The following BMERB1 variants were observed in gnomAD, a reference collection of about 807,000 sequenced individuals.
BMERB1 encodes the protein bMERB domain containing 1.
Under a neutral mutation model 23.6 loss-of-function variants are expected in BMERB1, and 12 were observed. That is an observed-to-expected ratio of 0.51 (90% CI 0.33 to 0.82). The LOEUF (loss-of-function observed/expected upper bound fraction) is 0.82. Among genes scored for constraint, BMERB1 ranks in the 40% least tolerant of loss-of-function variants. The pLI is 0.03. For synonymous variants in BMERB1, 122 were observed against 96.6 expected, an observed-to-expected ratio of 1.26 and a Z score of -1.54; for missense variants, 247 against 255.4, an observed-to-expected ratio of 0.97 and a Z score of 0.22.
chr16:15,455,126 G>A (rs1247131212), intron 1 of BMERB1, among the ~76,000 whole-genome samples: 2 of 151,992 alleles, frequency 1.3e-5, no homozygotes, highest in Non-Finnish European at 2.9e-5. Flanking sequence ...GAGGTCAGGA[G>A]TTCAGCCTGG....
intron 2 of BMERB1, among the ~76,000 whole-genome samples, chr16:15,534,304 A>AAAG (rs1567488682): frequency 1.9e-5 from 1 of 53,112 alleles, no homozygotes; most frequent in Non-Finnish European, 3.3e-5. Context: ...AAAAAAAAAA[A>AAAG]AAAAAAAAAA....
chr16:15,547,326 T>G (rs1011251566), intron 2 of BMERB1, among the ~76,000 whole-genome samples: 1 of 150,068 alleles, frequency 6.7e-6, no homozygotes, highest in African/African-American at 2.5e-5. Flanking sequence ...CTCCTTCAGC[T>G]TTGTTTTTTT....
At chr16:15,485,080 C>G (rs72774892) in intron 1 of BMERB1, among the ~76,000 whole-genome samples, 5 of 152,222 alleles carry the variant, frequency 3.3e-5, no homozygotes, top group Middle Eastern at 3.4e-3. Context: ...AGAGAGAGAT[C>G]GTTTCATTAG....
intron 1 of BMERB1, among the ~76,000 whole-genome samples, chr16:15,513,650 C>T (rs2051704161): frequency 1.3e-5 from 2 of 152,036 alleles, no homozygotes; most frequent in Admixed American, 6.6e-5. Flanking sequence ...AATCCTAGCA[C>T]TTTGGGAGGC....
At chr16:15,485,701 T>C (rs2051362492) in intron 1 of BMERB1, among the ~76,000 whole-genome samples, 1 of 151,786 alleles carries the variant, frequency 6.6e-6, no homozygotes, top group Non-Finnish European at 1.5e-5. Flanking sequence ...TGTGGGTTTT[T>C]TCCCCCCCAG....
chr16:15,493,090 T>C (rs947245251), intron 1 of BMERB1, among the ~76,000 whole-genome samples: 9 of 151,760 alleles, frequency 5.9e-5, no homozygotes, highest in South Asian at 4.2e-4. Context: ...GCTGGGCTCA[T>C]GCCTGTAATC....
intron 3 of BMERB1, among the ~76,000 whole-genome samples, chr16:15,570,847 A>T (rs1345170121): frequency 6.6e-6 from 1 of 151,956 alleles, no homozygotes; most frequent in African/African-American, 2.4e-5. Flanking sequence ...TAGACCATGT[A>T]GGGTAACTTC....
chr16:15,444,123 G>GTTTTTTTTTTTTGTTTTTTTT (rs2050966760), intron 1 of BMERB1, among the ~76,000 whole-genome samples: 1 of 35,608 alleles, frequency 2.8e-5, no homozygotes, highest in African/African-American at 1.3e-4. Flanking sequence ...CACCAGCTTT[G>GTTTTTTTTTTTTGTTTTTTTT]TTTTTTTTTT....
intron 1 of BMERB1, among the ~76,000 whole-genome samples, chr16:15,474,817 T>G (rs961810127): frequency 6.6e-6 from 1 of 152,126 alleles, no homozygotes; most frequent in African/African-American, 2.4e-5. Context: ...GCCTCCCTAG[T>G]AGCTGGGATA....
intron 1 of BMERB1, among the ~76,000 whole-genome samples, chr16:15,482,196 G>C (rs2051327951): frequency 6.6e-6 from 1 of 152,128 alleles, no homozygotes; most frequent in African/African-American, 2.4e-5. Flanking sequence ...AACCAGCCTT[G>C]AGAGAAGAGG....
intron 4 of BMERB1, 124 bp from the exon 5 acceptor site, chr16:15,583,032 G>T: frequency 1.3e-6 from 1 of 756,292 alleles, no homozygotes; most frequent in Non-Finnish European, 2.4e-6. Flanking sequence ...CGCATAACAC[G>T]TGACAACATA....
intron 2 of BMERB1, among the ~76,000 whole-genome samples, chr16:15,553,974 G>A (rs568627236): frequency 1.8e-4 from 27 of 152,038 alleles, no homozygotes; most frequent in South Asian, 4.2e-4. Flanking sequence ...TCTTTACAAC[G>A]CAGACACATA....
At chr16:15,445,005 C>A (rs1265175928) in intron 1 of BMERB1, among the ~76,000 whole-genome samples, 1 of 152,182 alleles carries the variant, frequency 6.6e-6, no homozygotes. Context: ...GGCCTCCCGC[C>A]TAGGCCTCCG....
chr16:15,511,978 G>T (rs570447801), intron 1 of BMERB1, among the ~76,000 whole-genome samples: 1 of 115,750 alleles, frequency 8.6e-6, no homozygotes, highest in African/African-American at 3.3e-5. Flanking sequence ...GCATCACCAC[G>T]CTCCAGCCTG....
intron 2 of BMERB1, among the ~76,000 whole-genome samples, chr16:15,551,425 C>G (rs1254619316): frequency 6.6e-6 from 1 of 152,134 alleles, no homozygotes; most frequent in Non-Finnish European, 1.5e-5. Context: ...TCTGGAATGC[C>G]TAGATGTCAA....
intron 2 of BMERB1, among the ~76,000 whole-genome samples, chr16:15,553,269 A>G (rs1172718023): frequency 6.6e-6 from 1 of 152,204 alleles, no homozygotes; most frequent in Non-Finnish European, 1.5e-5. Flanking sequence ...CGGCCTCCCG[A>G]AGTGCTGTGA....
intron 1 of BMERB1, among the ~76,000 whole-genome samples, chr16:15,459,600 A>C (rs1167958031): frequency 6.6e-6 from 1 of 152,238 alleles, no homozygotes; most frequent in Non-Finnish European, 1.5e-5. Flanking sequence ...CAAGAGTAGA[A>C]GGGAATTGTA....
rs979594174 is a variant in BMERB1, at chr16:15,502,330, C to T, written c.107-12975C>T. 63 of 1,551,116 alleles carry T rather than the reference C, an allele frequency of 4.1e-5. No individual in the cohort carries two copies. The Admixed American group carries it at 6.7e-4, about 16-fold the overall frequency. ...CAGCCGCAAATTCTTCCATGTGGGG[C>T]GACCTCACAGAGACGGGATGTATGG... On this transcript the variant is annotated intron_variant, in intron 1 of 5. Coordinates refer to ENST00000300006, the MANE Select transcript of BMERB1 (RefSeq NM_033201.3).
intron 1 of BMERB1, among the ~76,000 whole-genome samples, chr16:15,507,543 G>A (rs1210177575): frequency 2.6e-5 from 4 of 152,164 alleles, no homozygotes; most frequent in African/African-American, 9.7e-5. Context: ...CAGCAAGCAA[G>A]CTCTTGCTTG....
Sources: gnomAD v4.1 joint callset for allele counts (sites outside exome capture counted in the v4.1 genomes callset) on GRCh38, gnomAD v4.1.1 for gene constraint, MANE v1.5 for transcripts, NCBI Gene and HGNC (gene_info 2026-07-23, HGNC 2026-07-21) for gene names.